Variants in ATP1B3 observed in about 807,000 individuals in gnomAD.
The protein encoded by ATP1B3 is sodium/potassium-transporting ATPase subunit beta-3.
A neutral mutation model predicts 30.2 loss-of-function variants in ATP1B3; 10 were observed. The ratio of observed to expected loss-of-function variants is 0.33; its 90% CI spans 0.20 to 0.56. The LOEUF (loss-of-function observed/expected upper bound fraction) is 0.56, where lower values mean the gene tolerates loss of function less well. Ranked by LOEUF, ATP1B3 falls within the 20% of genes least tolerant of loss-of-function variation. The pLI, the probability that ATP1B3 is intolerant of heterozygous loss-of-function variation, is 0.90. For missense variants in ATP1B3, 238 were observed against 336.7 expected, an observed-to-expected ratio of 0.71 and a Z score of 2.29; for synonymous variants, 113 against 117.0, an observed-to-expected ratio of 0.97 and a Z score of 0.22.
At chr3:141,902,262 A>G in intron 1 of ATP1B3, 3 of 1,245,230 alleles carry the variant, frequency 2.4e-6, no homozygotes, top group Non-Finnish European at 3.2e-6. Context: ...GCTAGTCTAA[A>G]TTATAAAATG....
intron 1 of ATP1B3, chr3:141,902,287 A>C (rs1367593197): frequency 2.5e-5 from 30 of 1,176,662 alleles, no homozygotes; most frequent in Non-Finnish European, 3.2e-5. Context: ...TGCTTTAACT[A>C]TTTCCCCTTT....
At chr3:141,893,848 T>C (rs1034509709) in intron 1 of ATP1B3, among the ~76,000 whole-genome samples, 2 of 152,190 alleles carry the variant, frequency 1.3e-5, no homozygotes, top group Non-Finnish European at 2.9e-5. Context: ...CAGTCTGTAT[T>C]AAATACAGCC....
intron 2 of ATP1B3, among the ~76,000 whole-genome samples, chr3:141,904,065 G>A (rs764325668): frequency 8.5e-5 from 13 of 152,220 alleles, no homozygotes; most frequent in African/African-American, 2.7e-4. Context: ...GATTACAGGC[G>A]TGAGCCACTG....
At chr3:141,893,188 TA>T (rs1933991552) in intron 1 of ATP1B3, among the ~76,000 whole-genome samples, 1 of 152,098 alleles carries the variant, frequency 6.6e-6, no homozygotes, top group African/African-American at 2.4e-5. Flanking sequence ...TTTTTATTTT[TA>T]GTAGAGACGG....
chr3:141,888,378 T>C (rs1034703361), intron 1 of ATP1B3, among the ~76,000 whole-genome samples: 2 of 152,208 alleles, frequency 1.3e-5, no homozygotes, highest in African/African-American at 4.8e-5. Context: ...CATGTTTCTG[T>C]ATATATGTGG....
At chr3:141,904,747 TTGCCTAGGCTGG>T (rs1934233400) in intron 2 of ATP1B3, among the ~76,000 whole-genome samples, 1 of 145,446 alleles carries the variant, frequency 6.9e-6, no homozygotes, top group Non-Finnish European at 1.5e-5. Flanking sequence ...TTTGCTCCTG[TTGCCTAGGCTGG>T]AGTGCAATGG....
chr3:141,876,895 A>G lies in ATP1B3; in HGVS notation c.94A>G (p.Thr32Ala). 1 of 1,579,642 alleles carries G rather than the reference A, an allele frequency of 6.3e-7. No individual in the cohort carries two copies. Among genetic ancestry groups the G allele is most frequent in the Non-Finnish European group, 8.6e-7 (1 of 1,163,588 alleles). ...NPTTGEFLGR[T>A]AKSWGLILLF... Reference sequence around the variant, plus strand: ...GACCACCGGAGAATTCCTGGGGCGCACCGCCAAGAGCTGGGGTGAGCGGGC... The same window carrying G: ...GACCACCGGAGAATTCCTGGGGCGCGCCGCCAAGAGCTGGGGTGAGCGGGC... The change falls in exon 1 of 7, where the codon ACC becomes GCC. Residue 32 changes from threonine (T) to alanine (A), a missense_variant. Transcript: ENST00000286371.
chr3:141,892,710 G>A (rs547630491), intron 1 of ATP1B3, among the ~76,000 whole-genome samples: 160 of 144,412 alleles, frequency 1.1e-3, no homozygotes, highest in African/African-American at 4.0e-3. Context: ...TAAAACTTTA[G>A]CCTTATGTAA....
At chr3:141,893,313 T>G (rs1357374658) in intron 1 of ATP1B3, among the ~76,000 whole-genome samples, 1 of 152,160 alleles carries the variant, frequency 6.6e-6, no homozygotes, top group Non-Finnish European at 1.5e-5. Flanking sequence ...CCAGCTCTCT[T>G]TATTCTTGAT....
chr3:141,913,611 T>C (rs1934405725), intron 3 of ATP1B3, 41 bp from the exon 4 acceptor site: 1 of 1,485,984 alleles, frequency 6.7e-7, no homozygotes, highest in Non-Finnish European at 9.0e-7. Flanking sequence ...TTTTAGTACC[T>C]TTTTTGGCTG....
chr3:141,893,255 C>T (rs926964297), intron 1 of ATP1B3, among the ~76,000 whole-genome samples: 8 of 152,106 alleles, frequency 5.3e-5, no homozygotes, highest in African/African-American at 1.7e-4. Flanking sequence ...GCTATCCACC[C>T]GCCTTGGCCT....
At chr3:141,881,214 A>AG (rs1553743269) in intron 1 of ATP1B3, among the ~76,000 whole-genome samples, 3 of 151,922 alleles carry the variant, frequency 2.0e-5, no homozygotes, top group African/African-American at 7.3e-5. Flanking sequence ...CAAAAAAAAA[A>AG]AAAAGAAAAG....
intron 1 of ATP1B3, among the ~76,000 whole-genome samples, chr3:141,883,411 G>A (rs996236949): frequency 1.3e-5 from 2 of 152,126 alleles, no homozygotes; most frequent in African/African-American, 2.4e-5. Context: ...GCAACTATTC[G>A]GGAGGCTGAG....
chr3:141,897,812 C>T (rs145297242), intron 1 of ATP1B3, among the ~76,000 whole-genome samples: 20 of 152,254 alleles, frequency 1.3e-4, no homozygotes, highest in African/African-American at 4.6e-4. Context: ...TAGGCTGAAG[C>T]GATTCTCCCA....
At chr3:141,878,257 A>G (rs887614597) in intron 1 of ATP1B3, among the ~76,000 whole-genome samples, 1 of 152,248 alleles carries the variant, frequency 6.6e-6, no homozygotes, top group Admixed American at 6.5e-5. Flanking sequence ...TATTTTACAG[A>G]TGCCTTGCCT....
chr3:141,902,365 G>C, intron 1 of ATP1B3: 1 of 556,090 alleles, frequency 1.8e-6, no homozygotes, highest in South Asian at 1.7e-5. Flanking sequence ...CTAGCTTTCA[G>C]CACAATCTGT....
chr3:141,881,644 T>A (rs925505709), intron 1 of ATP1B3, among the ~76,000 whole-genome samples: 1 of 152,172 alleles, frequency 6.6e-6, no homozygotes, highest in Non-Finnish European at 1.5e-5. Flanking sequence ...ATGCTGGAGG[T>A]TGCAATTTTT....
intron 1 of ATP1B3, 45 bp downstream of exon 1, chr3:141,876,955 G>A (rs776649792): frequency 6.8e-7 from 1 of 1,463,364 alleles, no homozygotes; most frequent in Non-Finnish European, 9.2e-7. Flanking sequence ...CTCGGTCCCG[G>A]GGGCGCCGGG....
At chr3:141,886,897 G>C (rs910086280) in intron 1 of ATP1B3, among the ~76,000 whole-genome samples, 1 of 152,174 alleles carries the variant, frequency 6.6e-6, no homozygotes, top group African/African-American at 2.4e-5. Flanking sequence ...CAGCTACTCA[G>C]GAGGTTGAGG....
Sources: gnomAD v4.1 joint callset for allele counts (sites outside exome capture counted in the v4.1 genomes callset) on GRCh38, gnomAD v4.1.1 for gene constraint, MANE v1.5 for transcripts, NCBI Gene and HGNC (gene_info 2026-07-23, HGNC 2026-07-21) for gene names.